Variants in EPRS1 observed in about 807,000 individuals in gnomAD.
EPRS1 encodes glutamyl-prolyl-tRNA synthetase 1.
Under a neutral mutation model 188.3 loss-of-function variants are expected in EPRS1, and 107 were observed. The observed-to-expected ratio is 0.57, with a 90% confidence interval of 0.49 to 0.67. The LOEUF is 0.67. Ranked by LOEUF, EPRS1 falls within the 30% of genes least tolerant of loss-of-function variation. The pLI, the probability that EPRS1 is intolerant of heterozygous loss-of-function variation, is 0.00. For missense variants in EPRS1, 1,577 were observed against 1,802.2 expected (o/e 0.88, Z 2.26); for synonymous variants, 596 against 593.1 (o/e 1.00, Z -0.07).
chr1:220,011,059 G>C lies in EPRS1; in HGVS notation c.1495-3C>G. ...CGTGGAGCCACTGGGTCAATAACCT[G>C]CAACAAATACATCCTCATGTTAAAA... On this transcript the variant is annotated splice_polypyrimidine_tract_variant and splice_region_variant and intron_variant, in intron 12 of 31. Coordinates refer to ENST00000366923, the MANE Select transcript of EPRS1 (RefSeq NM_004446.3). 6.5e-7 allele frequency: 1 copy of C among 1,531,850 alleles called. No homozygotes were observed. The highest frequency in any genetic ancestry group is 9.0e-7 in the Non-Finnish European group (1 of 1,105,366). The allele number at this position is 1,531,850 out of a possible 1,614,324, so 94.9% of individuals were successfully genotyped here.
intron 28 of EPRS1, among the ~76,000 whole-genome samples, chr1:219,973,699 G>C (rs908856497): frequency 1.3e-5 from 2 of 152,022 alleles, no homozygotes; most frequent in African/African-American, 4.8e-5. Context: ...TCCAGAAAAC[G>C]TATTTGCATA....
chr1:220,035,822 AT>A (rs1225185062), intron 2 of EPRS1, among the ~76,000 whole-genome samples: 2 of 152,184 alleles, frequency 1.3e-5, no homozygotes, highest in Non-Finnish European at 2.9e-5. Context: ...CTCAAAAAAA[AT>A]AAATAAATAA....
intron 30 of EPRS1, among the ~76,000 whole-genome samples, chr1:219,971,509 G>C (rs936838684): frequency 2.0e-5 from 3 of 152,002 alleles, no homozygotes; most frequent in Non-Finnish European, 2.9e-5. Flanking sequence ...AGTATGTACA[G>C]TCAGGGAATG....
chr1:220,004,654 G>T (rs918364051), intron 16 of EPRS1, among the ~76,000 whole-genome samples: 1 of 152,098 alleles, frequency 6.6e-6, no homozygotes, highest in Non-Finnish European at 1.5e-5. Context: ...ATGCTTGAAA[G>T]AATCTATTCA....
intron 18 of EPRS1, among the ~76,000 whole-genome samples, chr1:219,993,936 T>TCTA (rs1476225075): frequency 2.6e-5 from 4 of 152,336 alleles, no homozygotes; most frequent in Admixed American, 6.5e-5. Context: ...CTAAAAAGTG[T>TCTA]ATAGTACACA....
chr1:220,005,357 C>T lies in EPRS1; in HGVS notation c.1954G>A (p.Glu652Lys). 3 of 1,488,572 alleles carry T rather than the reference C, an allele frequency of 2.0e-6. No individual in the cohort carries two copies. Among genetic ancestry groups the T allele is most frequent in the Non-Finnish European group, 2.7e-6 (3 of 1,100,006 alleles). The allele number at this position is 1,488,572 out of a possible 1,614,324, so 92.2% of individuals were successfully genotyped here. A position where few individuals can be genotyped will look rare whatever the true frequency, so the allele number is the denominator to read the frequency against. The change falls in exon 16 of 32, where the codon GAA (glutamate) becomes AAA (lysine). Residue 652 changes from glutamate (E) to lysine (K), a missense_variant. Physicochemically the swap from Glu to Lys is moderately conservative, Grantham distance 56. Transcript: ENST00000366923. Reference protein sequence around the residue: ...KQYVNKNSKHEELMLGDPCLK... With the variant: ...KQYVNKNSKHKELMLGDPCLK... ...CAGGGATCCCCTAGCATTAGCTCTT[C>T]ATGCTGTAAAGATGATATAAACCAA... is the stretch of plus-strand genomic sequence containing the variant.
chr1:220,006,274 C>T lies in EPRS1; in HGVS notation c.1782G>A (p.Leu594=). 1 of 1,587,512 alleles carries T rather than the reference C, an allele frequency of 6.3e-7. No individual in the cohort carries two copies. Among genetic ancestry groups the T allele is most frequent in the Non-Finnish European group, 8.6e-7 (1 of 1,165,314 alleles). Residue 594 remains leucine (L), a synonymous_variant, in exon 15 of 32, where the codon TTG becomes TTA. Coordinates refer to ENST00000366923, the MANE Select transcript of EPRS1 (RefSeq NM_004446.3). ...DGKIISLDAK[L]NLENKDYKKT... ...TCTTGTAGTCTTTGTTTTCCAAATT[C>T]AACTTTGCATCAAGAGATATGATTT...
chr1:219,981,309 A>AT (rs1660892869), intron 24 of EPRS1, 69 bp downstream of exon 24: 2 of 1,044,038 alleles, frequency 1.9e-6, no homozygotes, highest in Non-Finnish European at 2.7e-6. Context: ...TAAAAACAAA[A>AT]TGTGCTTTAA....
intron 16 of EPRS1, among the ~76,000 whole-genome samples, chr1:220,004,165 T>C (rs1265380904): frequency 6.6e-6 from 1 of 152,136 alleles, no homozygotes; most frequent in Non-Finnish European, 1.5e-5. Flanking sequence ...GCAGTGAGGA[T>C]TACAGGTGTG....
intron 2 of EPRS1, among the ~76,000 whole-genome samples, chr1:220,039,742 T>C (rs1012025287): frequency 5.9e-5 from 9 of 152,140 alleles, no homozygotes; most frequent in Non-Finnish European, 1.3e-4. Flanking sequence ...ATGGTCTCGA[T>C]CTCCTGACCT....
intron 12 of EPRS1, among the ~76,000 whole-genome samples, chr1:220,017,952 A>G (rs1264854481): frequency 6.6e-6 from 1 of 152,218 alleles, no homozygotes. Flanking sequence ...CTTGGCACTA[A>G]GAAAACCAGA....
intron 1 of EPRS1, among the ~76,000 whole-genome samples, chr1:220,044,616 C>T (rs1316813739): frequency 3.5e-5 from 5 of 141,142 alleles, no homozygotes; most frequent in Non-Finnish European, 7.5e-5. Flanking sequence ...AGCGCAACTA[C>T]TCGTGTGGCT....
chr1:219,990,409 A>C (rs1466743803), intron 18 of EPRS1, among the ~76,000 whole-genome samples: 1 of 152,192 alleles, frequency 6.6e-6, no homozygotes, highest in African/African-American at 2.4e-5. Flanking sequence ...TTATAATATG[A>C]AAAGTATCAT....
intron 10 of EPRS1, 94 bp downstream of exon 10, chr1:220,019,894 C>G: frequency 1.2e-6 from 1 of 823,380 alleles, no homozygotes; most frequent in Non-Finnish European, 2.0e-6. Context: ...ATTCCCCCTC[C>G]TCCCAATCAC....
At position 220,003,735 on chromosome 1, in the gene EPRS1, G is replaced by T. The variant is rs148025769; in HGVS notation, c.2063+1513C>A. Among the ~76,000 whole-genome samples, 15 of 152,262 alleles carry T rather than the reference G, an allele frequency of 9.9e-5. No homozygotes were observed. The East Asian group carries it at 2.7e-3, about 27-fold the overall frequency. ...CCACCACCATTACTAAATACTTAAG[G>T]AGGGCTTAGCAACTATTAGGCACTA... On this transcript the variant is annotated intron_variant, in intron 16 of 31. Transcript: ENST00000366923.
chr1:220,010,808 CA>C (rs34170326), intron 13 of EPRS1, 137 bp downstream of exon 13: 226,979 of 408,872 alleles, frequency 0.56, 44,384 homozygotes, highest in Middle Eastern at 0.6. Context: ...GACTACGTCT[CA>C]AAAAAAAAAA....
intron 22 of EPRS1, 82 bp from the exon 23 acceptor site, chr1:219,982,926 G>T: frequency 7.8e-7 from 1 of 1,289,374 alleles, no homozygotes; most frequent in Non-Finnish European, 1.1e-6. Context: ...AATTTCCTCT[G>T]TTTTAATTTT....
At chr1:220,044,709 A>AAAAAAAAAC (rs1300376625) in intron 1 of EPRS1, among the ~76,000 whole-genome samples, 1 of 143,856 alleles carries the variant, frequency 7.0e-6, no homozygotes, top group African/African-American at 2.6e-5. Context: ...AAAAAAAAAA[A>AAAAAAAAAC]AAAACAGTAT....
intron 5 of EPRS1, 133 bp from the exon 6 acceptor site, chr1:220,030,613 A>T (rs1211190618): frequency 1.5e-6 from 1 of 647,636 alleles, no homozygotes; most frequent in Non-Finnish European, 2.8e-6. Flanking sequence ...TCATCCCTAC[A>T]CTTGAGGGTA....
Sources: allele counts gnomAD v4.1 joint callset (sites outside exome capture counted in the v4.1 genomes callset), GRCh38; gene constraint gnomAD v4.1.1; transcripts MANE v1.5; gene names NCBI Gene and HGNC (gene_info 2026-07-23, HGNC 2026-07-21).